SPOCK1: variants seen among roughly 807,000 people sequenced by gnomAD.
SPOCK1 encodes testican-1.
In SPOCK1, 23 loss-of-function variants were observed where a neutral mutation model predicts 55.3. The observed-to-expected ratio is 0.42, with a 90% CI of 0.30 to 0.59. The LOEUF is 0.59. Ranked by LOEUF, SPOCK1 falls within the 20% of genes least tolerant of loss-of-function variation. The pLI is 0.22. For synonymous variants in SPOCK1, 226 were observed against 221.0 expected (o/e 1.02, Z -0.20); for missense variants, 499 against 552.5 (o/e 0.90, Z 0.97).
chr5:137,423,049 A>G (rs533166843), intron 2 of SPOCK1, among the ~76,000 whole-genome samples: 22 of 152,258 alleles, frequency 1.4e-4, no homozygotes, highest in African/African-American at 5.3e-4. Flanking sequence ...CTGGAGGTCC[A>G]CTCCAGACCC....
At chr5:137,228,988 T>C (rs1348364921) in intron 3 of SPOCK1, among the ~76,000 whole-genome samples, 1 of 152,182 alleles carries the variant, frequency 6.6e-6, no homozygotes, top group Non-Finnish European at 1.5e-5. Flanking sequence ...GCTCACGCAC[T>C]GCAAATACAG....
At chr5:137,258,384 C>T (rs1756679064) in intron 3 of SPOCK1, among the ~76,000 whole-genome samples, 6 of 152,200 alleles carry the variant, frequency 3.9e-5, no homozygotes, top group Admixed American at 3.9e-4. Context: ...AATTGAGGAG[C>T]TTAACAAAAC....
At chr5:137,112,589 T>G in intron 4 of SPOCK1, 28 bp from the exon 5 acceptor site, 1 of 1,609,204 alleles carries the variant, frequency 6.2e-7, no homozygotes, top group Non-Finnish European at 8.5e-7. Flanking sequence ...GGGGATAAAT[T>G]AGTTGAAGCT....
intron 3 of SPOCK1, among the ~76,000 whole-genome samples, chr5:137,183,115 T>C (rs1461970694): frequency 1.3e-5 from 2 of 152,152 alleles, no homozygotes; most frequent in Non-Finnish European, 2.9e-5. Context: ...TTTTGTTACA[T>C]GTAAATATAT....
At chr5:137,403,282 G>A (rs1029139380) in intron 2 of SPOCK1, among the ~76,000 whole-genome samples, 4 of 152,160 alleles carry the variant, frequency 2.6e-5, no homozygotes, top group South Asian at 2.1e-4. Context: ...TATGCACCCA[G>A]ATAGAAAGAC....
At chr5:137,088,465 CT>C in intron 5 of SPOCK1, among the ~76,000 whole-genome samples, 1 of 152,284 alleles carries the variant, frequency 6.6e-6, no homozygotes, top group East Asian at 1.9e-4. Flanking sequence ...CCTGATCGGC[CT>C]GCTTCCAGGC....
intron 2 of SPOCK1, among the ~76,000 whole-genome samples, chr5:137,486,547 C>G (rs1463835754): frequency 2.6e-5 from 4 of 152,190 alleles, no homozygotes; most frequent in Non-Finnish European, 5.9e-5. Flanking sequence ...AGCACGGTGC[C>G]TGGTACATGG....
chr5:137,214,741 G>C (rs568681793), intron 3 of SPOCK1, among the ~76,000 whole-genome samples: 1 of 152,166 alleles, frequency 6.6e-6, no homozygotes, highest in South Asian at 2.1e-4. Flanking sequence ...GGGGCCTGAC[G>C]TGGTCAGGAA....
chr5:137,233,223 A>G (rs1408910361), intron 3 of SPOCK1, among the ~76,000 whole-genome samples: 1 of 152,220 alleles, frequency 6.6e-6, no homozygotes, highest in Non-Finnish European at 1.5e-5. Flanking sequence ...CTATTATTAC[A>G]TACATATGAA....
At chr5:137,106,551 T>A (rs1753372703) in intron 5 of SPOCK1, among the ~76,000 whole-genome samples, 1 of 152,000 alleles carries the variant, frequency 6.6e-6, no homozygotes, top group Admixed American at 6.5e-5. Flanking sequence ...ATATCTGAAA[T>A]TCGAATCATT....
intron 6 of SPOCK1, among the ~76,000 whole-genome samples, chr5:137,053,427 C>G (rs1561592100): frequency 6.6e-6 from 1 of 152,182 alleles, no homozygotes; most frequent in Non-Finnish European, 1.5e-5. Flanking sequence ...ACCTTGACAA[C>G]TTCTGACCTT....
chr5:137,261,834 T>C (rs1756746870), intron 3 of SPOCK1, among the ~76,000 whole-genome samples: 1 of 152,210 alleles, frequency 6.6e-6, no homozygotes, highest in African/African-American at 2.4e-5. Flanking sequence ...CAGTGGCTTG[T>C]CTCCTCTAGT....
At chr5:137,380,965 G>A (rs1250527482) in intron 2 of SPOCK1, among the ~76,000 whole-genome samples, 6 of 151,934 alleles carry the variant, frequency 3.9e-5, no homozygotes, top group Non-Finnish European at 8.8e-5. Context: ...AAGTCCAAAG[G>A]ATCATCTCCC....
chr5:137,038,615 C>T (rs1434186565), intron 6 of SPOCK1, among the ~76,000 whole-genome samples: 4 of 152,192 alleles, frequency 2.6e-5, no homozygotes, highest in African/African-American at 4.8e-5. Context: ...CTTTAATTTA[C>T]TTTCCTGTCC....
rs1280857047 is a variant in SPOCK1, at chr5:137,050,617, GGGAGCTGTAGACC to G, written c.589+17085_589+17097del. On this transcript the variant is annotated intron_variant, in intron 6 of 10. Transcript: ENST00000394945. Reference sequence around the variant, plus strand: ...ACCCGTCTTCTGCGTCGCTCACGCTGGGAGCTGTAGACCGGAGCTGTTCCTATTCGGCCATCTT... The same window carrying G: ...ACCCGTCTTCTGCGTCGCTCACGCTGGGAGCTGTTCCTATTCGGCCATCTT... Among the ~76,000 whole-genome samples the G allele has an allele frequency of 3.3e-5, 5 of 152,126 alleles. No individual in the cohort carries two copies. In the East Asian group the frequency reaches 9.7e-4, roughly 30 times the overall value.
At chr5:137,391,805 T>C (rs938615164) in intron 2 of SPOCK1, among the ~76,000 whole-genome samples, 10 of 152,280 alleles carry the variant, frequency 6.6e-5, no homozygotes, top group African/African-American at 2.2e-4. Context: ...CCTCTTGAGC[T>C]CCCAGTCTCT....
intron 5 of SPOCK1, among the ~76,000 whole-genome samples, chr5:137,073,367 A>G (rs1752652846): frequency 6.6e-6 from 1 of 152,084 alleles, no homozygotes; most frequent in African/African-American, 2.4e-5. Context: ...AGAGAACAGA[A>G]TAAAGTGAGT....
At chr5:137,458,879 G>T (rs1478379531) in intron 2 of SPOCK1, among the ~76,000 whole-genome samples, 2 of 152,148 alleles carry the variant, frequency 1.3e-5, no homozygotes, top group East Asian at 3.8e-4. Flanking sequence ...GTTCTGGGGT[G>T]GTTTTATCAT....
At chr5:137,207,226 C>G (rs745678753) in intron 3 of SPOCK1, among the ~76,000 whole-genome samples, 6 of 152,214 alleles carry the variant, frequency 3.9e-5, no homozygotes, top group Non-Finnish European at 8.8e-5. Flanking sequence ...ACTGCTATCA[C>G]TCTGCCAAGG....
Sources: gnomAD v4.1 joint callset for allele counts (sites outside exome capture counted in the v4.1 genomes callset) on GRCh38, gnomAD v4.1.1 for gene constraint, MANE v1.5 for transcripts, NCBI Gene and HGNC (gene_info 2026-07-23, HGNC 2026-07-21) for gene names.